Variants in PCDH7 observed in about 807,000 individuals in gnomAD.
PCDH7 encodes protocadherin 7, also known as protocadherin-7.
A neutral mutation model predicts 58.9 loss-of-function variants in PCDH7; 17 were observed. The observed-to-expected ratio is 0.29, with a 90% confidence interval of 0.20 to 0.43. The LOEUF (loss-of-function observed/expected upper bound fraction) is 0.43, where lower values mean the gene tolerates loss of function less well. Among genes scored for constraint, PCDH7 ranks in the 20% least tolerant of loss-of-function variants. PCDH7 has a pLI of 1.00. For missense variants in PCDH7, 1,274 were observed against 1,441.0 expected (o/e 0.88, Z 1.88); for synonymous variants, 664 against 616.4 (o/e 1.08, Z -1.14).
At chr4:30,924,779 T>C (rs1743624458) in intron 2 of PCDH7, among the ~76,000 whole-genome samples, 1 of 151,338 alleles carries the variant, frequency 6.6e-6, no homozygotes, top group Non-Finnish European at 1.5e-5. Flanking sequence ...ACATGTGTTT[T>C]CTTACTTAAC....
intron 3 of PCDH7, among the ~76,000 whole-genome samples, chr4:31,092,681 T>G (rs889871609): frequency 1.3e-5 from 2 of 152,068 alleles, no homozygotes; most frequent in Non-Finnish European, 2.9e-5. Context: ...GAGCCTCTAA[T>G]TATTCAAAGT....
intron 1 of PCDH7, among the ~76,000 whole-genome samples, chr4:30,748,453 G>C (rs1403884263): frequency 1.3e-5 from 2 of 152,148 alleles, no homozygotes; most frequent in Non-Finnish European, 2.9e-5. Flanking sequence ...CTCTCATGTT[G>C]GAAGGCAACA....
intron 3 of PCDH7, among the ~76,000 whole-genome samples, chr4:31,028,956 G>A (rs1754670886): frequency 6.6e-6 from 1 of 152,178 alleles, no homozygotes; most frequent in South Asian, 2.1e-4. Flanking sequence ...TTTGATGATT[G>A]ACTATGCCCA....
intron 3 of PCDH7, among the ~76,000 whole-genome samples, chr4:31,095,485 T>C (rs1312542389): frequency 6.6e-6 from 1 of 152,198 alleles, no homozygotes; most frequent in Non-Finnish European, 1.5e-5. Flanking sequence ...ACTTGTTCTA[T>C]CTTTCAAAAT....
intron 3 of PCDH7, among the ~76,000 whole-genome samples, chr4:31,115,097 C>T (rs962132418): frequency 1.3e-5 from 2 of 152,100 alleles, no homozygotes; most frequent in African/African-American, 2.4e-5. Flanking sequence ...CCTCCACTTT[C>T]GCTTACTGAA....
intron 1 of PCDH7, among the ~76,000 whole-genome samples, chr4:30,901,973 G>A (rs1456319409): frequency 6.6e-6 from 1 of 152,106 alleles, no homozygotes; most frequent in African/African-American, 2.4e-5. Flanking sequence ...ACCAACCTGT[G>A]GATCAGTTAG....
intron 2 of PCDH7, among the ~76,000 whole-genome samples, chr4:30,927,404 T>A (rs538457277): frequency 5.6e-4 from 85 of 151,802 alleles, no homozygotes; most frequent in African/African-American, 2.0e-3. Context: ...GGCGGTTTTG[T>A]GGAATAGAAA....
At chr4:30,775,756 G>T (rs1040007468) in intron 1 of PCDH7, among the ~76,000 whole-genome samples, 1 of 152,074 alleles carries the variant, frequency 6.6e-6, no homozygotes, top group South Asian at 2.1e-4. Flanking sequence ...AATTAGCCAG[G>T]CATGGTGACG....
At chr4:31,083,881 G>A (rs1463516310) in intron 3 of PCDH7, among the ~76,000 whole-genome samples, 5 of 152,020 alleles carry the variant, frequency 3.3e-5, no homozygotes, top group Non-Finnish European at 4.4e-5. Context: ...CAATGATGCT[G>A]GAATAATAAA....
intron 3 of PCDH7, among the ~76,000 whole-genome samples, chr4:31,095,059 C>A (rs529214802): frequency 1.3e-5 from 2 of 151,740 alleles, no homozygotes; most frequent in East Asian, 3.9e-4. Flanking sequence ...AAGACCTTTA[C>A]CTGTATAAAA....
At chr4:30,958,304 C>T (rs1237496124) in intron 3 of PCDH7, among the ~76,000 whole-genome samples, 2 of 151,896 alleles carry the variant, frequency 1.3e-5, no homozygotes, top group African/African-American at 2.4e-5. Flanking sequence ...TTTACATTTC[C>T]GGAATATATT....
intron 1 of PCDH7, among the ~76,000 whole-genome samples, chr4:30,901,729 AACTC>A (rs1356386555): frequency 6.6e-6 from 1 of 152,134 alleles, no homozygotes; most frequent in Non-Finnish European, 1.5e-5. Context: ...CAGCCTAAGG[AACTC>A]ATGAAAAACT....
chr4:31,122,393 G>A (rs1328874165), intron 3 of PCDH7, among the ~76,000 whole-genome samples: 1 of 152,058 alleles, frequency 6.6e-6, no homozygotes, highest in African/African-American at 2.4e-5. Context: ...TTCACTGACA[G>A]TTACTTTAAA....
downstream of PCDH7, among the ~76,000 whole-genome samples, chr4:30,737,026 G>GT (rs1272806346): frequency 2.0e-5 from 3 of 152,034 alleles, no homozygotes; most frequent in Non-Finnish European, 2.9e-5. Context: ...CTTCTTACTG[G>GT]TTTACTCCTC....
At chr4:31,117,722 G>T (rs1177399758) in intron 3 of PCDH7, among the ~76,000 whole-genome samples, 1 of 152,098 alleles carries the variant, frequency 6.6e-6, no homozygotes, top group African/African-American at 2.4e-5. Flanking sequence ...AAAACCATTT[G>T]CCATATTTAG....
intron 3 of PCDH7, among the ~76,000 whole-genome samples, chr4:31,047,497 C>G (rs1011551098): frequency 6.6e-6 from 1 of 152,010 alleles, no homozygotes; most frequent in African/African-American, 2.4e-5. Context: ...TATCTAGCTT[C>G]TATTCACTCC....
chr4:30,868,648 G>A (rs1391271286), intron 1 of PCDH7, among the ~76,000 whole-genome samples: 4 of 151,938 alleles, frequency 2.6e-5, no homozygotes, highest in Non-Finnish European at 4.4e-5. Flanking sequence ...GTTTATGTAA[G>A]TGTGACTGAT....
chr4:31,129,055 G>A (rs1718655204), intron 3 of PCDH7, among the ~76,000 whole-genome samples: 1 of 152,160 alleles, frequency 6.6e-6, no homozygotes, highest in African/African-American at 2.4e-5. Flanking sequence ...AGGGATGACA[G>A]GTAATCTGTC....
chr4:30,871,452 A>G (rs1345336996), intron 1 of PCDH7, among the ~76,000 whole-genome samples: 4 of 152,060 alleles, frequency 2.6e-5, no homozygotes, highest in East Asian at 1.9e-4. Context: ...TTTGCTTCCA[A>G]TAATATTCTG....
Sources: gnomAD v4.1 joint callset for allele counts (sites outside exome capture counted in the v4.1 genomes callset) on GRCh38, gnomAD v4.1.1 for gene constraint, MANE v1.5 for transcripts, NCBI Gene and HGNC (gene_info 2026-07-23, HGNC 2026-07-21) for gene names.